ST18: variants seen among roughly 807,000 people sequenced by gnomAD.
ST18 encodes ST18 C2H2C-type zinc finger transcription factor.
A neutral mutation model predicts 110.0 loss-of-function variants in ST18; 50 were observed. That is an observed-to-expected ratio of 0.45 (90% CI 0.36 to 0.58). The LOEUF (loss-of-function observed/expected upper bound fraction) is 0.58, where lower values mean the gene tolerates loss of function less well. Ranked by LOEUF, ST18 falls within the 20% of genes least tolerant of loss-of-function variation. The pLI, the probability that ST18 is intolerant of heterozygous loss-of-function variation, is 0.00. For missense variants in ST18, 1,306 were observed against 1,280.1 expected, an observed-to-expected ratio of 1.02 and a Z score of -0.31; for synonymous variants, 461 against 452.4, an observed-to-expected ratio of 1.02 and a Z score of -0.24.
intron 2 of ST18, among the ~76,000 whole-genome samples, chr8:52,385,286 A>G (rs1008741884): frequency 6.6e-6 from 1 of 152,178 alleles, no homozygotes; most frequent in African/African-American, 2.4e-5. Flanking sequence ...CAGCTCCCTA[A>G]GAAGGGATGC....
chr8:52,357,685 ATAT>A (rs1823513222), intron 2 of ST18, among the ~76,000 whole-genome samples: 2 of 33,662 alleles, frequency 5.9e-5, no homozygotes, highest in Non-Finnish European at 1.0e-4. Flanking sequence ...AAATATATAT[ATAT>A]ATATATATAT....
intron 2 of ST18, among the ~76,000 whole-genome samples, chr8:52,302,378 G>T (rs151307710): frequency 0.013 from 2,016 of 152,264 alleles, 14 homozygotes; most frequent in Non-Finnish European, 0.021. Context: ...GATAGATGTA[G>T]AAATAAATAT....
chr8:52,320,797 T>C (rs1803546174), intron 2 of ST18, among the ~76,000 whole-genome samples: 1 of 152,146 alleles, frequency 6.6e-6, no homozygotes, highest in Non-Finnish European at 1.5e-5. Context: ...AAGATGCATC[T>C]GCCTTATGAC....
At chr8:52,132,995 AG>A in intron 21 of ST18, 61 bp downstream of exon 21, 1 of 1,578,220 alleles carries the variant, frequency 6.3e-7, no homozygotes, top group East Asian at 2.2e-5. Flanking sequence ...ATCCCAACCA[AG>A]TTCCCTCCCA....
intron 2 of ST18, among the ~76,000 whole-genome samples, chr8:52,304,328 A>C (rs2095779394): frequency 6.6e-6 from 1 of 152,210 alleles, no homozygotes; most frequent in Non-Finnish European, 1.5e-5. Context: ...GTGTGAGTAC[A>C]TACACACACA....
intron 2 of ST18, among the ~76,000 whole-genome samples, chr8:52,337,319 T>C (rs1048768325): frequency 6.6e-6 from 1 of 152,218 alleles, no homozygotes; most frequent in African/African-American, 2.4e-5. Context: ...CGGTGCAATT[T>C]GTTTCTCTTC....
At chr8:52,263,201 C>A (rs1285103827) in intron 2 of ST18, among the ~76,000 whole-genome samples, 1 of 152,204 alleles carries the variant, frequency 6.6e-6, no homozygotes, top group East Asian at 1.9e-4. Flanking sequence ...AGACTTTATT[C>A]TTCTGGCATG....
At position 52,208,225 on chromosome 8, in the gene ST18, G is replaced by A. The variant is rs568607283; in HGVS notation, c.86+3854C>T. ...ATTTTCGTAAGTAGTCGCTCTAGAA[G>A]CAATAACACGTCCAATGCATTCTAA... On this transcript the variant is annotated intron_variant, in intron 8 of 25. Coordinates refer to ENST00000689386, the MANE Select transcript of ST18 (RefSeq NM_001352837.2). Among the ~76,000 whole-genome samples the A allele has an allele frequency of 2.0e-5, 3 of 152,280 alleles. No individual in the cohort carries two copies. In the South Asian group the frequency reaches 6.2e-4, roughly 32 times the overall value.
intron 2 of ST18, among the ~76,000 whole-genome samples, chr8:52,300,856 C>A (rs2095710091): frequency 6.6e-6 from 1 of 152,116 alleles, no homozygotes; most frequent in African/African-American, 2.4e-5. Context: ...TGGTAAAAAA[C>A]AAACCTCTAG....
intron 2 of ST18, among the ~76,000 whole-genome samples, chr8:52,359,348 G>C (rs896138153): frequency 1.6e-4 from 24 of 152,038 alleles, no homozygotes; most frequent in Non-Finnish European, 7.4e-5. Context: ...TTTAGATTAT[G>C]TGAACTTTAC....
chr8:52,294,078 C>A (rs535894529), intron 2 of ST18, among the ~76,000 whole-genome samples: 2 of 152,312 alleles, frequency 1.3e-5, no homozygotes, highest in South Asian at 2.1e-4. Context: ...GAGTCCAGGG[C>A]ACAGTTTATC....
At chr8:52,241,760 A>G (rs1409861305) in intron 2 of ST18, among the ~76,000 whole-genome samples, 6 of 152,358 alleles carry the variant, frequency 3.9e-5, no homozygotes, top group Non-Finnish European at 8.8e-5. Context: ...TAGTACATGA[A>G]AAATACAAAA....
intron 23 of ST18, 143 bp from the exon 24 acceptor site, chr8:52,118,584 A>T: frequency 1.9e-6 from 1 of 516,502 alleles, no homozygotes. Context: ...GGATTCTGAA[A>T]AAGTGGATAA....
chr8:52,136,210 G>T (rs927888107), intron 19 of ST18, among the ~76,000 whole-genome samples: 1 of 152,082 alleles, frequency 6.6e-6, no homozygotes, highest in Non-Finnish European at 1.5e-5. Flanking sequence ...GCAGTTGTAC[G>T]AATCAAAATA....
intron 25 of ST18, among the ~76,000 whole-genome samples, chr8:52,116,035 C>T (rs115866256): frequency 6.6e-6 from 1 of 152,022 alleles, no homozygotes; most frequent in African/African-American, 2.4e-5. Context: ...TTAAAAAATC[C>T]TTTGTTTTTA....
intron 2 of ST18, among the ~76,000 whole-genome samples, chr8:52,304,627 G>A (rs2095785460): frequency 6.6e-6 from 1 of 152,180 alleles, no homozygotes; most frequent in Non-Finnish European, 1.5e-5. Context: ...GTTGGATTTA[G>A]GATGATTTTC....
Position 52,275,639 on chromosome 8 carries a change from T to C in ST18, c.-464-45562A>G, listed in dbSNP as rs151065308. Among the ~76,000 whole-genome samples, 4 of 152,152 alleles carry C rather than the reference T, an allele frequency of 2.6e-5. No homozygotes were observed. In the South Asian group the frequency reaches 6.2e-4, roughly 24 times the overall value. On this transcript the variant is annotated intron_variant, in intron 2 of 25. Coordinates refer to ENST00000689386, the MANE Select transcript of ST18 (RefSeq NM_001352837.2). ...GGTTTTTAGAAACTAAGCAGACATA[T>C]CTGTAAAATGAAAATGTTAGAATAA...
At chr8:52,330,138 T>C (rs1305771131) in intron 2 of ST18, among the ~76,000 whole-genome samples, 1 of 152,224 alleles carries the variant, frequency 6.6e-6, no homozygotes, top group Non-Finnish European at 1.5e-5. Flanking sequence ...TTTACACCGT[T>C]TTCTTTATGT....
At chr8:52,278,359 A>G (rs1397818725) in intron 2 of ST18, among the ~76,000 whole-genome samples, 1 of 152,226 alleles carries the variant, frequency 6.6e-6, no homozygotes, top group Non-Finnish European at 1.5e-5. Flanking sequence ...GAATATACAG[A>G]ATATTTTTAA....
Sources: allele counts gnomAD v4.1 joint callset (sites outside exome capture counted in the v4.1 genomes callset), GRCh38; gene constraint gnomAD v4.1.1; transcripts MANE v1.5; gene names NCBI Gene and HGNC (gene_info 2026-07-23, HGNC 2026-07-21).